Variants in ARHGAP28 observed in about 807,000 individuals in gnomAD.
ARHGAP28 encodes Rho GTPase activating protein 28.
In ARHGAP28, 56 loss-of-function variants were observed where a neutral mutation model predicts 90.7. That is an observed-to-expected ratio of 0.62 (90% CI 0.50 to 0.77). The LOEUF (loss-of-function observed/expected upper bound fraction) is 0.77, where lower values mean the gene tolerates loss of function less well. Ranked by LOEUF, ARHGAP28 falls within the 30% of genes least tolerant of loss-of-function variation. The pLI is 0.00. For synonymous variants in ARHGAP28, 308 were observed against 323.3 expected (o/e 0.95, Z 0.51); for missense variants, 869 against 900.9 (o/e 0.96, Z 0.45).
chr18:6,819,124 T>A (rs1415414806), intron 1 of ARHGAP28, among the ~76,000 whole-genome samples: 1 of 152,234 alleles, frequency 6.6e-6, no homozygotes, highest in African/African-American at 2.4e-5. Flanking sequence ...TATTTCATAG[T>A]AAGAAGTATG....
At position 6,894,890 on chromosome 18, in the gene ARHGAP28, T is replaced by C; in HGVS notation, c.1904T>C (p.Met635Thr). 1.2e-6 allele frequency: 2 copies of C among 1,613,948 alleles called. No individual in the cohort carries two copies. ...VLQKSPSARR[M>T]SDVPEGVIRV... ...CAAAAATCACCCTCGGCAAGACGAA[T>C]GGTAAGAAAAATAATTTCTTTTCCC... is the stretch of plus-strand genomic sequence containing the variant. The change falls in exon 15 of 18, where the codon ATG becomes ACG. Residue 635 changes from methionine to threonine, a missense_variant and splice_region_variant. Transcript: ENST00000383472.
chr18:6,747,405 A>T (rs529705652), intron 1 of ARHGAP28, among the ~76,000 whole-genome samples: 37 of 152,270 alleles, frequency 2.4e-4, no homozygotes, highest in Non-Finnish European at 3.8e-4. Context: ...AAGTAGTGAT[A>T]GTTTTTGTAG....
intron 1 of ARHGAP28, among the ~76,000 whole-genome samples, chr18:6,803,016 A>T (rs912800697): frequency 6.6e-6 from 1 of 152,046 alleles, no homozygotes. Flanking sequence ...CTAAATATAA[A>T]TTTTTTATGA....
At chr18:6,827,587 G>A (rs1380775092) in intron 2 of ARHGAP28, among the ~76,000 whole-genome samples, 8 of 147,454 alleles carry the variant, frequency 5.4e-5, no homozygotes, top group Non-Finnish European at 6.0e-5. Flanking sequence ...GGCTGGGTGG[G>A]GGGCTGACCC....
At chr18:6,866,188 T>C (rs1330296560) in intron 5 of ARHGAP28, among the ~76,000 whole-genome samples, 3 of 152,224 alleles carry the variant, frequency 2.0e-5, no homozygotes, top group Non-Finnish European at 4.4e-5. Context: ...AACACAAAGA[T>C]GTGCATTTGT....
rs74511528 is a variant in ARHGAP28 at position 6,860,881 on chromosome 18, T to C, written c.726+984T>C. ...AACTTACTAATAACTCTGTAGGTTATGGCATAAATAGGCTGAGGGTTACCC... is the reference window on the plus strand; with the variant it reads ...AACTTACTAATAACTCTGTAGGTTACGGCATAAATAGGCTGAGGGTTACCC... On this transcript the variant is annotated intron_variant, in intron 5 of 17. Coordinates refer to ENST00000383472, the MANE Select transcript of ARHGAP28 (RefSeq NM_001366230.1). Among the ~76,000 whole-genome samples, 3,218 of 152,332 alleles carry C rather than the reference T, an allele frequency of 0.021. 253 individuals are homozygous for C. The East Asian group carries it at 0.28, about 13-fold the overall frequency.
In ARHGAP28 at chr18:6,873,278, A is replaced by G. The variant is rs1600271791; in HGVS notation, c.955-131A>G. ...CATATTCATATTTCTAGGATGCAGC[A>G]TGCTCCTTAGAGATGTTTTCCAAAG... On this transcript the variant is annotated intron_variant, in intron 7 of 17. Transcript: ENST00000383472. The G allele has an allele frequency of 7.2e-5, 52 of 724,700 alleles. No individual in the cohort carries two copies. In the East Asian group the frequency reaches 1.3e-3, roughly 18 times the overall value. 44.9% of individuals were successfully genotyped at this position (724,700 alleles called of 1,614,324 possible).
chr18:6,904,348 C>G (rs1415477789), intron 16 of ARHGAP28, among the ~76,000 whole-genome samples: 2 of 152,094 alleles, frequency 1.3e-5, no homozygotes, highest in Non-Finnish European at 2.9e-5. Context: ...GAGCCGAAAC[C>G]ACACCACTGC....
chr18:6,794,170 T>G (rs2056425554), intron 1 of ARHGAP28, among the ~76,000 whole-genome samples: 1 of 152,234 alleles, frequency 6.6e-6, no homozygotes, highest in African/African-American at 2.4e-5. Flanking sequence ...CATACCCCAC[T>G]AAACATGATA....
chr18:6,862,147 G>C (rs2057003459), intron 5 of ARHGAP28, among the ~76,000 whole-genome samples: 1 of 152,144 alleles, frequency 6.6e-6, no homozygotes, highest in Admixed American at 6.5e-5. Context: ...CTGATGCCAA[G>C]TTATTGCTTT....
rs1339784683 is a variant in ARHGAP28 at position 6,908,988 on chromosome 18, C to T, written c.2059C>T (p.Gln687Ter). 2.6e-6 allele frequency: 4 copies of T among 1,540,752 alleles called. No individual in the cohort carries two copies. ...TGGTTCATCAGAATGTATTAAGATT[C>T]AGAACCAAAGGTTATATGAAATTGG... Reference protein sequence around the residue: ...SHGSSECIKIQNQRLYEIGGN... With the variant: ...SHGSSECIKI Residue 687 changes from glutamine to a stop codon, truncating the protein, a stop_gained, in exon 17 of 18, where the codon CAG becomes TAG. Coordinates refer to ENST00000383472, the MANE Select transcript of ARHGAP28 (RefSeq NM_001366230.1). LOFTEE classifies it high-confidence loss of function.
intron 1 of ARHGAP28, among the ~76,000 whole-genome samples, chr18:6,773,175 G>A (rs566514068): frequency 6.6e-6 from 1 of 152,232 alleles, no homozygotes; most frequent in African/African-American, 2.4e-5. Context: ...GATATTTATT[G>A]TATGTTAATG....
chr18:6,847,499 A>T (rs1435815719), intron 3 of ARHGAP28, among the ~76,000 whole-genome samples: 1 of 152,096 alleles, frequency 6.6e-6, no homozygotes, highest in African/African-American at 2.4e-5. Flanking sequence ...TGGACTGCAG[A>T]TGTTGCATCA....
chr18:6,786,491 C>A (rs1302198880), intron 1 of ARHGAP28, among the ~76,000 whole-genome samples: 2 of 152,128 alleles, frequency 1.3e-5, no homozygotes, highest in African/African-American at 4.8e-5. Context: ...TCTCTCACCA[C>A]TCTCTTCTCC....
chr18:6,780,637 C>T (rs932574175), intron 1 of ARHGAP28, among the ~76,000 whole-genome samples: 3 of 151,980 alleles, frequency 2.0e-5, no homozygotes, highest in African/African-American at 7.3e-5. Flanking sequence ...GCCTGTAATC[C>T]CAGCACTTTG....
At chr18:6,797,538 G>T (rs2056449957) in intron 1 of ARHGAP28, among the ~76,000 whole-genome samples, 1 of 152,076 alleles carries the variant, frequency 6.6e-6, no homozygotes, top group South Asian at 2.1e-4. Flanking sequence ...TTTGTCTTCT[G>T]TAATAGCAGA....
intron 11 of ARHGAP28, among the ~76,000 whole-genome samples, chr18:6,884,519 T>C (rs1394125352): frequency 3.9e-5 from 6 of 152,244 alleles, no homozygotes; most frequent in African/African-American, 1.2e-4. Context: ...ATTATGAATA[T>C]AGTCTTTGGA....
intron 3 of ARHGAP28, among the ~76,000 whole-genome samples, chr18:6,837,771 G>A (rs1259207388): frequency 6.6e-6 from 1 of 152,134 alleles, no homozygotes; most frequent in Non-Finnish European, 1.5e-5. Flanking sequence ...TCCTAGGGAA[G>A]TAAGCAAGAC....
chr18:6,761,779 A>G (rs1002850217), intron 1 of ARHGAP28, among the ~76,000 whole-genome samples: 2 of 152,168 alleles, frequency 1.3e-5, no homozygotes, highest in Non-Finnish European at 2.9e-5. Context: ...GGAAGACTCA[A>G]TTCCTCTTTT....
Sources: allele counts gnomAD v4.1 joint callset (sites outside exome capture counted in the v4.1 genomes callset), GRCh38; gene constraint gnomAD v4.1.1; transcripts MANE v1.5; gene names NCBI Gene and HGNC (gene_info 2026-07-23, HGNC 2026-07-21).